Variants in ATF2 observed in about 807,000 individuals in gnomAD.
ATF2 encodes the protein cyclic AMP-dependent transcription factor ATF-2.
In ATF2, 24 loss-of-function variants were observed where a neutral mutation model predicts 60.6. That is an observed-to-expected ratio of 0.40 (90% CI 0.29 to 0.56). The LOEUF (loss-of-function observed/expected upper bound fraction) is 0.56. Ranked by LOEUF, ATF2 falls within the 20% of genes least tolerant of loss-of-function variation. The probability of loss-of-function intolerance (pLI) is 0.54; values close to 1 mark genes in which losing one functional copy is unlikely to be tolerated. For missense variants in ATF2, 433 were observed against 607.7 expected, an observed-to-expected ratio of 0.71 and a Z score of 3.02; for synonymous variants, 206 against 215.4, an observed-to-expected ratio of 0.96 and a Z score of 0.38.
At chr2:175,157,230 G>C (rs950637700) in intron 1 of ATF2, among the ~76,000 whole-genome samples, 3 of 152,144 alleles carry the variant, frequency 2.0e-5, no homozygotes, top group African/African-American at 4.8e-5. Context: ...CTTTGTGCAG[G>C]ATCTGCCATT....
At chr2:175,093,593 AT>A (rs2105591370) in intron 11 of ATF2, among the ~76,000 whole-genome samples, 1 of 152,278 alleles carries the variant, frequency 6.6e-6, no homozygotes, top group East Asian at 1.9e-4. Context: ...TTCCAAGTAT[AT>A]TTTAACAGAT....
chr2:175,087,598 C>A (rs1694255941), intron 12 of ATF2, among the ~76,000 whole-genome samples: 1 of 152,098 alleles, frequency 6.6e-6, no homozygotes. Context: ...TGACTTTCTA[C>A]TTCAGCCATT....
intron 10 of ATF2, among the ~76,000 whole-genome samples, chr2:175,099,360 C>G (rs1027844781): frequency 6.6e-6 from 1 of 152,004 alleles, no homozygotes. Flanking sequence ...CTCCTCGGCT[C>G]CTAAAGTTCT....
intron 12 of ATF2, among the ~76,000 whole-genome samples, chr2:175,086,684 C>T (rs894144466): frequency 2.6e-5 from 4 of 152,116 alleles, no homozygotes; most frequent in Non-Finnish European, 4.4e-5. Context: ...GCTGGAATTA[C>T]AGGAGTGAGC....
At chr2:175,123,072 T>A (rs1203261199) in intron 4 of ATF2, among the ~76,000 whole-genome samples, 1 of 152,022 alleles carries the variant, frequency 6.6e-6, no homozygotes, top group Non-Finnish European at 1.5e-5. Context: ...TCTTCAGACA[T>A]TTACTGGGCA....
intron 4 of ATF2, among the ~76,000 whole-genome samples, chr2:175,128,500 C>CAA (rs1181110162): frequency 5.7e-5 from 7 of 122,302 alleles, no homozygotes; most frequent in African/African-American, 1.2e-4. Flanking sequence ...AATTCCGTCT[C>CAA]AAAAAAAAAA....
chr2:175,088,678 A>G (rs888858156), intron 12 of ATF2, among the ~76,000 whole-genome samples: 6 of 152,054 alleles, frequency 3.9e-5, no homozygotes, highest in Non-Finnish European at 8.8e-5. Flanking sequence ...ACACAAAAAT[A>G]ATTATCAAGT....
At chr2:175,112,229 G>A (rs560624136) in intron 9 of ATF2, among the ~76,000 whole-genome samples, 27 of 151,550 alleles carry the variant, frequency 1.8e-4, no homozygotes, top group African/African-American at 5.1e-4. Flanking sequence ...TTTCATTTCC[G>A]GTTGCTTTCA....
chr2:175,113,959 T>C (rs1696375900), intron 9 of ATF2, 35 bp downstream of exon 9: 4 of 1,536,414 alleles, frequency 2.6e-6, no homozygotes, highest in South Asian at 2.3e-5. Context: ...AAGATCAGTT[T>C]TGCGATAGAG....
At chr2:175,155,800 T>A (rs1224076487) in intron 1 of ATF2, among the ~76,000 whole-genome samples, 3 of 152,220 alleles carry the variant, frequency 2.0e-5, no homozygotes, top group South Asian at 4.1e-4. Flanking sequence ...TTAAAACCAA[T>A]GACAGCATCA....
At chr2:175,124,435 A>G (rs1459452171) in intron 4 of ATF2, among the ~76,000 whole-genome samples, 1 of 151,982 alleles carries the variant, frequency 6.6e-6, no homozygotes, top group Non-Finnish European at 1.5e-5. Context: ...AATCTGTGTT[A>G]CTAAGGCTTG....
intron 9 of ATF2, 73 bp downstream of exon 9, chr2:175,113,921 A>T: frequency 7.8e-7 from 1 of 1,282,876 alleles, no homozygotes; most frequent in African/African-American, 1.5e-5. Context: ...TAAGCCAGTC[A>T]AGCAGCCAAC....
chr2:175,135,375 A>G (rs1216709041), intron 3 of ATF2, among the ~76,000 whole-genome samples: 1 of 152,216 alleles, frequency 6.6e-6, no homozygotes, highest in African/African-American at 2.4e-5. Flanking sequence ...AACTACAAGG[A>G]AATTCAGGAG....
chr2:175,116,357 G>C (rs1696571222), intron 7 of ATF2, among the ~76,000 whole-genome samples: 1 of 152,028 alleles, frequency 6.6e-6, no homozygotes, highest in Non-Finnish European at 1.5e-5. Flanking sequence ...AGAAATTAAG[G>C]ATGACCCCTA....
intron 12 of ATF2, among the ~76,000 whole-genome samples, chr2:175,087,994 G>A (rs1320576280): frequency 2.6e-5 from 4 of 152,096 alleles, no homozygotes; most frequent in Non-Finnish European, 4.4e-5. Flanking sequence ...CTAATAATAT[G>A]CCTTGCACAT....
In ATF2 at chr2:175,097,463, G is replaced by A. The variant is rs1559062591; in HGVS notation, c.959C>T (p.Thr320Ile). 3 of 1,613,912 alleles carry A rather than the reference G, an allele frequency of 1.9e-6. No individual in the cohort carries two copies. Among genetic ancestry groups the A allele is most frequent in the African/African-American group, 1.3e-5 (1 of 74,920 alleles). The change falls in exon 11 of 14, where the codon ACA (threonine) becomes ATA (isoleucine). Residue 320 changes from threonine (T) to isoleucine (I), a missense_variant. Around this residue, in one of 5 missense-constraint regions of ATF2, gnomAD observed 246 missense variants for 309.3 expected, o/e 0.80. Transcript: ENST00000264110. ...ACATACCGGAGTTTCTGTAGTGGAT[G>A]TGGCTGGCTGTTGTAATGACTGCGG... ...SRPQSLQQPA[T>I]STTETPASPA...
chr2:175,098,742 A>C (rs934020506), intron 10 of ATF2, among the ~76,000 whole-genome samples: 1 of 152,204 alleles, frequency 6.6e-6, no homozygotes, highest in African/African-American at 2.4e-5. Context: ...AGACCCCCAA[A>C]TAATACCAGT....
At chr2:175,098,488 T>C (rs1259758906) in intron 10 of ATF2, among the ~76,000 whole-genome samples, 2 of 152,150 alleles carry the variant, frequency 1.3e-5, no homozygotes, top group East Asian at 1.9e-4. Flanking sequence ...AAGATTCTTA[T>C]AGAGGTGCAT....
In ATF2 at chr2:175,074,033, A is replaced by G. The variant is rs1007752813; in HGVS notation, c.*576T>C. 1.1e-4 allele frequency: 17 copies of G among 152,220 alleles called. No homozygotes were observed. Among genetic ancestry groups the G allele is most frequent in the Non-Finnish European group, 1.5e-5 (1 of 68,062 alleles). 9.4% of individuals were successfully genotyped at this position (152,220 alleles called of 1,614,324 possible). ...GTGCATAAAAGCACTGTATGTCTTT[A>G]CCATGTTTTCACTCACTTAAAAAAA... On this transcript the variant is annotated 3_prime_UTR_variant, in exon 14 of 14. Transcript: ENST00000264110.
Sources: allele counts gnomAD v4.1 joint callset (sites outside exome capture counted in the v4.1 genomes callset), GRCh38; gene constraint gnomAD v4.1.1; regional missense constraint gnomAD v4.1.1; transcripts MANE v1.5; gene names NCBI Gene and HGNC (gene_info 2026-07-23, HGNC 2026-07-21).